MICU2: variants seen among roughly 807,000 people sequenced by gnomAD.
MICU2 encodes calcium uptake protein 2, mitochondrial.
A neutral mutation model predicts 60.4 loss-of-function variants in MICU2; 64 were observed. The observed-to-expected ratio is 1.06, with a 90% CI of 0.87 to 1.31. The LOEUF is 1.31. MICU2 is among the 50% of genes most tolerant of loss of function. MICU2 has a pLI of 0.00. For missense variants in MICU2, 569 were observed against 531.0 expected (o/e 1.07, Z -0.70); for synonymous variants, 201 against 175.0 (o/e 1.15, Z -1.17).
intron 1 of MICU2, among the ~76,000 whole-genome samples, chr13:21,596,718 C>A (rs1274173373): frequency 6.6e-6 from 1 of 152,160 alleles, no homozygotes; most frequent in Non-Finnish European, 1.5e-5. Flanking sequence ...GCCACTATGC[C>A]CGGCCTCACA....
intron 2 of MICU2, among the ~76,000 whole-genome samples, chr13:21,558,342 G>T (rs1457664207): frequency 6.6e-6 from 1 of 152,158 alleles, no homozygotes; most frequent in Non-Finnish European, 1.5e-5. Flanking sequence ...GTCCTTTGAA[G>T]GAATAATTTC....
intron 6 of MICU2, among the ~76,000 whole-genome samples, chr13:21,517,562 G>A (rs1343329912): frequency 6.6e-6 from 1 of 152,136 alleles, no homozygotes; most frequent in Non-Finnish European, 1.5e-5. Flanking sequence ...GATCACCTGA[G>A]GTCAGGAGCT....
chr13:21,558,373 T>C (rs1257113316), intron 2 of MICU2, among the ~76,000 whole-genome samples: 1 of 152,156 alleles, frequency 6.6e-6, no homozygotes, highest in Non-Finnish European at 1.5e-5. Flanking sequence ...GTTTAATATT[T>C]GTAATGACCC....
intron 1 of MICU2, among the ~76,000 whole-genome samples, chr13:21,597,459 C>A (rs182346917): frequency 1.3e-5 from 2 of 151,974 alleles, no homozygotes; most frequent in Admixed American, 6.6e-5. Context: ...CCAATCAAAC[C>A]GAAGTTAGAG....
Position 21,537,718 on chromosome 13 carries a change from G to T in MICU2, c.466+1584C>A. On this transcript the variant is annotated intron_variant, in intron 4 of 11. Transcript: ENST00000382374. Reference sequence around the variant, plus strand: ...ACTCTGTACCTCAGGTGATCGGGCTGCCTCGGCCTCAATGGCCTCCCAAAG... The same window carrying T: ...ACTCTGTACCTCAGGTGATCGGGCTTCCTCGGCCTCAATGGCCTCCCAAAG... Among the ~76,000 whole-genome samples, 2 of 152,058 alleles carry T rather than the reference G, an allele frequency of 1.3e-5. 1 individual carries two copies. The highest frequency in any genetic ancestry group is 3.9e-4 in the East Asian group (2 of 5,186).
At chr13:21,500,704 C>T (rs574210995) in intron 9 of MICU2, among the ~76,000 whole-genome samples, 1 of 152,118 alleles carries the variant, frequency 6.6e-6, no homozygotes, top group South Asian at 2.1e-4. Context: ...CAGGAATGAG[C>T]CACCACGCCC....
intron 1 of MICU2, among the ~76,000 whole-genome samples, chr13:21,586,345 C>T (rs1161637259): frequency 1.3e-5 from 2 of 152,202 alleles, no homozygotes; most frequent in Non-Finnish European, 2.9e-5. Flanking sequence ...CCTCTGCTTT[C>T]ATTCCTGTTG....
intron 2 of MICU2, among the ~76,000 whole-genome samples, chr13:21,560,241 T>C (rs1346999687): frequency 1.3e-5 from 2 of 152,192 alleles, no homozygotes; most frequent in Non-Finnish European, 2.9e-5. Flanking sequence ...TAAGGAAGAT[T>C]TCTTTAACCT....
intron 1 of MICU2, among the ~76,000 whole-genome samples, chr13:21,589,586 T>C (rs1888531870): frequency 6.6e-6 from 1 of 152,204 alleles, no homozygotes; most frequent in African/African-American, 2.4e-5. Context: ...GCCTTCTACT[T>C]TTAAACTTAA....
intron 8 of MICU2, among the ~76,000 whole-genome samples, chr13:21,508,675 C>G (rs1223190179): frequency 6.6e-6 from 1 of 152,194 alleles, no homozygotes; most frequent in Non-Finnish European, 1.5e-5. Flanking sequence ...ATCAACTCTA[C>G]TGCTTCTAAT....
At chr13:21,578,700 C>T (rs942983986) in intron 1 of MICU2, among the ~76,000 whole-genome samples, 14 of 152,066 alleles carry the variant, frequency 9.2e-5, no homozygotes, top group African/African-American at 3.1e-4. Context: ...CTTTAGATAA[C>T]CAGGTATATA....
At chr13:21,509,641 C>T (rs765681006) in intron 8 of MICU2, among the ~76,000 whole-genome samples, 6 of 152,234 alleles carry the variant, frequency 3.9e-5, no homozygotes, top group Non-Finnish European at 8.8e-5. Context: ...GCCCAACCGA[C>T]TCAAAGACTC....
At chr13:21,537,089 T>C (rs953859229) in intron 4 of MICU2, among the ~76,000 whole-genome samples, 1 of 152,242 alleles carries the variant, frequency 6.6e-6, no homozygotes, top group Non-Finnish European at 1.5e-5. Context: ...GAGTTTATCA[T>C]GAAAAGGGGA....
At chr13:21,585,902 T>C (rs1006874988) in intron 1 of MICU2, among the ~76,000 whole-genome samples, 7 of 152,208 alleles carry the variant, frequency 4.6e-5, no homozygotes, top group African/African-American at 1.7e-4. Context: ...AAGCAAACCA[T>C]CTAGTATTCT....
At chr13:21,531,519 A>G (rs1886999567) in intron 4 of MICU2, among the ~76,000 whole-genome samples, 2 of 152,200 alleles carry the variant, frequency 1.3e-5, no homozygotes, top group Admixed American at 6.5e-5. Context: ...GGATTCTTCT[A>G]AAGCAAAGTC....
Position 21,525,780 on chromosome 13 carries a change from T to C in MICU2, c.467-3130A>G, listed in dbSNP as rs148564802. ...GAAAAGTTTTGTATAGTTCTTTACATATTCTGGTTATTATCCCTTATTATA... is the reference window on the plus strand; with the variant it reads ...GAAAAGTTTTGTATAGTTCTTTACACATTCTGGTTATTATCCCTTATTATA... On this transcript the variant is annotated intron_variant, in intron 4 of 11. Coordinates refer to ENST00000382374, the MANE Select transcript of MICU2 (RefSeq NM_152726.3). Among the ~76,000 whole-genome samples, 620 of 152,122 alleles carry C rather than the reference T, an allele frequency of 4.1e-3. 1 individual carries two copies. Among genetic ancestry groups the C allele is most frequent in the African/African-American group, 0.014 (593 of 41,528 alleles).
chr13:21,546,584 C>T (rs1312569798), intron 2 of MICU2, among the ~76,000 whole-genome samples: 2 of 152,118 alleles, frequency 1.3e-5, no homozygotes, highest in Non-Finnish European at 2.9e-5. Flanking sequence ...GACCAGATGG[C>T]AGGTCCTGCC....
intron 1 of MICU2, chr13:21,603,729 C>T (rs1170469847): frequency 5.1e-6 from 3 of 584,092 alleles, no homozygotes; most frequent in African/African-American, 4.0e-5. Context: ...GCAGAATCTC[C>T]GGTCACCAGC....
chr13:21,570,152 G>A (rs1194082053), intron 1 of MICU2, among the ~76,000 whole-genome samples: 1 of 152,152 alleles, frequency 6.6e-6, no homozygotes, highest in African/African-American at 2.4e-5. Flanking sequence ...TTTAAAGTAA[G>A]TAGGATGCAC....
Sources: allele counts gnomAD v4.1 joint callset (sites outside exome capture counted in the v4.1 genomes callset), GRCh38; gene constraint gnomAD v4.1.1; transcripts MANE v1.5; gene names NCBI Gene and HGNC (gene_info 2026-07-23, HGNC 2026-07-21).